The following TARS2 variants were observed in gnomAD, a reference collection of about 807,000 sequenced individuals.
The protein encoded by TARS2 is threonyl-tRNA synthetase 2, mitochondrial.
TARS2 carries 61 observed loss-of-function variants against 94.4 expected under a neutral mutation model. That is an observed-to-expected ratio of 0.65 (90% CI 0.53 to 0.80). The LOEUF (loss-of-function observed/expected upper bound fraction) is 0.80. TARS2 is among the 30% of genes least tolerant of loss of function. TARS2 has a pLI of 0.00. For missense variants in TARS2, 704 were observed against 902.5 expected, an observed-to-expected ratio of 0.78 and a Z score of 2.82; for synonymous variants, 359 against 353.4, an observed-to-expected ratio of 1.02 and a Z score of -0.18.
Position 150,498,496 on chromosome 1 carries a change from C to CCTCA in TARS2, c.1239-5_1239-2dup. 6.4e-7 allele frequency: 1 copy of CCTCA among 1,569,456 alleles called. No homozygotes were observed. The highest frequency in any genetic ancestry group is 8.6e-7 in the Non-Finnish European group (1 of 1,162,466). On this transcript the variant is annotated splice_polypyrimidine_tract_variant and splice_region_variant and intron_variant, in intron 10 of 17. Transcript: ENST00000369064. ...TGGCCCTGACCCCTCTGCACCCCAA[C>CCTCA]CTCAGCCTGATGTTCGCCCACCGGC...
At chr1:150,491,931 A>C (rs966637290) in intron 6 of TARS2, 1 of 321,100 alleles carries the variant, frequency 3.1e-6, no homozygotes, top group African/African-American at 2.4e-5. Context: ...AGTGGCTGGG[A>C]TTACAGGCAT....
chr1:150,501,353 T>A (rs1184043276), intron 13 of TARS2, among the ~76,000 whole-genome samples: 1 of 132,620 alleles, frequency 7.5e-6, no homozygotes, highest in Non-Finnish European at 1.6e-5. Context: ...TGTCTCGCTC[T>A]GCTGCCCAGG....
chr1:150,492,927 G>A (rs1247869262), intron 7 of TARS2, among the ~76,000 whole-genome samples: 3 of 151,090 alleles, frequency 2.0e-5, no homozygotes, highest in East Asian at 2.0e-4. Flanking sequence ...CGGTCGCCCA[G>A]GCTGGAGTGC....
At chr1:150,488,125 G>A (rs1669230691) in intron 2 of TARS2, 71 bp downstream of exon 2, 1 of 1,527,828 alleles carries the variant, frequency 6.5e-7, no homozygotes, top group African/African-American at 1.4e-5. Context: ...TTGAGCAGGG[G>A]AAGAAAACTT....
chr1:150,507,321 G>GAGTGCTGGGATTA lies in TARS2; in HGVS notation c.*257_*258insAGTGCTGGGATTA. The GAGTGCTGGGATTA allele has an allele frequency of 2.6e-6, 1 of 389,618 alleles. No individual in the cohort carries two copies. Among genetic ancestry groups the GAGTGCTGGGATTA allele is most frequent in the Non-Finnish European group, 4.6e-6 (1 of 216,074 alleles). The allele number at this position is 389,618 out of a possible 1,614,324, so 24.1% of individuals were successfully genotyped here. A position where few individuals can be genotyped will look rare whatever the true frequency, so the allele number is the denominator to read the frequency against. ...GCAGTGGCTCATGCCTGTAATCCCA[G>GAGTGCTGGGATTA]CACTCTGGGAGGCTGAGGCGGACGG... On this transcript the variant is annotated 3_prime_UTR_variant, in exon 18 of 18. Transcript: ENST00000369064.
chr1:150,487,989 T>C lies in TARS2; in HGVS notation c.198T>C (p.Pro66=). 2 of 1,614,114 alleles carry C rather than the reference T, an allele frequency of 1.2e-6. No homozygotes were observed. The highest frequency in any genetic ancestry group is 8.5e-7 in the Non-Finnish European group (1 of 1,180,016). ...KEPRTIKISL[P]GGQKIDAVAW... ...CCCGGACTATTAAGATATCACTTCC[T>C]GGAGGCCAGAAAATTGATGCTGTGG... The change falls in exon 2 of 18, where the codon CCT becomes CCC. Residue 66 remains proline (P), a synonymous_variant. Transcript: ENST00000369064.
At chr1:150,499,366 C>G (rs1669811318) in intron 13 of TARS2, 73 bp downstream of exon 13, 1 of 1,396,446 alleles carries the variant, frequency 7.2e-7, no homozygotes. Flanking sequence ...TTAATAGATA[C>G]AAAGAATTTT....
In TARS2 at chr1:150,505,706, G is replaced by A; in HGVS notation, c.2008+1G>A. 1 of 1,612,902 alleles carries A rather than the reference G, an allele frequency of 6.2e-7. No individual in the cohort carries two copies. ...CTTGCCCACTACAATTTTCAGTTTGGTAAGCTGAACCTCAGAGCCAATGTT... is the reference window on the plus strand; with the variant it reads ...CTTGCCCACTACAATTTTCAGTTTGATAAGCTGAACCTCAGAGCCAATGTT... On this transcript the variant is annotated splice_donor_variant, in intron 17 of 17. Transcript: ENST00000369064. LOFTEE classifies it high-confidence loss of function.
rs141286062 is a variant in TARS2, at chr1:150,491,447, C to T, written c.566C>T (p.Thr189Ile). 11 of 1,613,998 alleles carry T rather than the reference C, an allele frequency of 6.8e-6. No individual in the cohort carries two copies. The highest frequency in any genetic ancestry group is 4.4e-5 in the South Asian group (4 of 91,074). The change falls in exon 5 of 18, where the codon ACA (threonine) becomes ATA (isoleucine). Residue 189 changes from threonine (T) to isoleucine (I), a missense_variant. Coordinates refer to ENST00000369064, the MANE Select transcript of TARS2 (RefSeq NM_025150.5). Reference sequence around the variant, plus strand: ...TTGGAGCGGATTTGCCAGGAACTTACAGCTGCTGCTCGACCCTTCCGGAGG... The same window carrying T: ...TTGGAGCGGATTTGCCAGGAACTTATAGCTGCTGCTCGACCCTTCCGGAGG... ...PVLERICQEL[T>I]AAARPFRRLE...
In TARS2 at chr1:150,490,633, G is replaced by T. The variant is rs1441723059; in HGVS notation, c.420G>T (p.Gly140=). The T allele has an allele frequency of 6.8e-6, 11 of 1,613,924 alleles. No homozygotes were observed. The highest frequency in any genetic ancestry group is 8.5e-6 in the Non-Finnish European group (10 of 1,179,986). The part of the protein sequence containing the change: ...VFWHSSTHVL[G]AAAEQFLGAV... ...GGCACTCCAGCACCCATGTCCTGGG[G>T]GCAGCAGCTGAACAATTCCTAGGTG... is the stretch of plus-strand genomic sequence containing the variant. The change falls in exon 4 of 18, where the codon GGG becomes GGT. Residue 140 remains glycine (G), a synonymous_variant. Coordinates refer to ENST00000369064, the MANE Select transcript of TARS2 (RefSeq NM_025150.5).
rs1445385058 is a variant in TARS2, at chr1:150,504,621, T to A, written c.1719-11T>A. The stretch of plus-strand genomic sequence containing the variant: ...CACCATTCCATCCACCCCCCCCTTT[T>A]TCCTTTCAAGGCAGGCGGGTGCCCT... On this transcript the variant is annotated splice_polypyrimidine_tract_variant and intron_variant, in intron 14 of 17. Coordinates refer to ENST00000369064, the MANE Select transcript of TARS2 (RefSeq NM_025150.5). 2 of 1,613,502 alleles carry A rather than the reference T, an allele frequency of 1.2e-6. No homozygotes were observed. Among genetic ancestry groups the A allele is most frequent in the Admixed American group, 1.7e-5 (1 of 59,922 alleles).
At chr1:150,488,203 T>A (rs1669234292) in intron 2 of TARS2, 149 bp downstream of exon 2, 1 of 963,352 alleles carries the variant, frequency 1.0e-6, no homozygotes, top group South Asian at 1.8e-5. Context: ...TTGTTTTTTG[T>A]TGTTGTTCTT....
chr1:150,491,070 A>C (rs1669361361), intron 4 of TARS2, among the ~76,000 whole-genome samples: 1 of 151,718 alleles, frequency 6.6e-6, no homozygotes, highest in African/African-American at 2.4e-5. Context: ...AAAAACAAAA[A>C]GAAAAAGAAG....
chr1:150,505,739 C>G (rs1670171833), intron 17 of TARS2, 34 bp downstream of exon 17: 1 of 1,581,068 alleles, frequency 6.3e-7, no homozygotes, highest in East Asian at 2.2e-5. Flanking sequence ...GTTCTCCCAC[C>G]TGCCGTCTGC....
At position 150,488,955 on chromosome 1, in the gene TARS2, C is replaced by T. The variant is rs370294229; in HGVS notation, c.264-9C>T. 35 of 1,610,672 alleles carry T rather than the reference C, an allele frequency of 2.2e-5. 1 individual carries two copies. Among genetic ancestry groups the T allele is most frequent in the Non-Finnish European group, 2.9e-5 (34 of 1,178,138 alleles). The stretch of plus-strand genomic sequence containing the variant: ...TCTTTTTCTTCATCCCCACCTTCCA[C>T]TGCTGAAGTTCAACACTGGCAGATA... On this transcript the variant is annotated splice_polypyrimidine_tract_variant and intron_variant, in intron 2 of 17. Coordinates refer to ENST00000369064, the MANE Select transcript of TARS2 (RefSeq NM_025150.5).
intron 3 of TARS2, among the ~76,000 whole-genome samples, chr1:150,490,385 T>C (rs903887145): frequency 1.3e-5 from 2 of 152,078 alleles, no homozygotes; most frequent in African/African-American, 4.8e-5. Flanking sequence ...TCCTGAAGTG[T>C]TGGGGTTACA....
At chr1:150,506,271 C>G (rs953942622) in intron 17 of TARS2, among the ~76,000 whole-genome samples, 1 of 152,076 alleles carries the variant, frequency 6.6e-6, no homozygotes, top group African/African-American at 2.4e-5. Context: ...CCCTTTCCCT[C>G]CCTTACCGCC....
At position 150,492,679 on chromosome 1, in the gene TARS2, A is replaced by G. The variant is rs985122583; in HGVS notation, c.774+190A>G. ...ACAAAAATTAGCTGGGTGTGGTGGCACACACCTGTAGTCCTAGCTGCTCGG... is the reference window on the plus strand; with the variant it reads ...ACAAAAATTAGCTGGGTGTGGTGGCGCACACCTGTAGTCCTAGCTGCTCGG... On this transcript the variant is annotated intron_variant, in intron 7 of 17. Transcript: ENST00000369064. Among the ~76,000 whole-genome samples, 10 of 151,576 alleles carry G rather than the reference A, an allele frequency of 6.6e-5. No homozygotes were observed. The South Asian group carries it at 1.3e-3, about 19-fold the overall frequency.
At chr1:150,491,354 AC>A (rs777732163) in intron 4 of TARS2, 39 bp from the exon 5 acceptor site, 17 of 1,604,838 alleles carry the variant, frequency 1.1e-5, no homozygotes, top group Non-Finnish European at 1.4e-5. Context: ...TGATTGATGC[AC>A]CTCATAGGAT....
Sources: allele counts gnomAD v4.1 joint callset (sites outside exome capture counted in the v4.1 genomes callset), GRCh38; gene constraint gnomAD v4.1.1; transcripts MANE v1.5; gene names NCBI Gene and HGNC (gene_info 2026-07-23, HGNC 2026-07-21).